The following SMAGP variants were observed in gnomAD, a reference collection of about 807,000 sequenced individuals.
SMAGP encodes the protein small cell adhesion glycoprotein.
Under a neutral mutation model 10.1 loss-of-function variants are expected in SMAGP, and 7 were observed. The ratio of observed to expected loss-of-function variants is 0.70; its 90% CI spans 0.40 to 1.31. The LOEUF is 1.31. Among genes scored for constraint, SMAGP ranks in the 50% most tolerant of loss-of-function variants. The probability of loss-of-function intolerance (pLI) is 0.01; values close to 1 mark genes in which losing one functional copy is unlikely to be tolerated. For synonymous variants in SMAGP, 49 were observed against 47.2 expected, an observed-to-expected ratio of 1.04 and a Z score of -0.16; for missense variants, 113 against 116.5, an observed-to-expected ratio of 0.97 and a Z score of 0.14.
At chr12:51,251,043 A>G (rs1944833035) in intron 2 of SMAGP, among the ~76,000 whole-genome samples, 1 of 151,908 alleles carries the variant, frequency 6.6e-6, no homozygotes, top group Admixed American at 6.6e-5. Context: ...TTCTTTAAAC[A>G]TTTTGAGAAT....
chr12:51,248,434 A>ACACTCT (rs1188710796), intron 2 of SMAGP, among the ~76,000 whole-genome samples: 31 of 77,554 alleles, frequency 4.0e-4, no homozygotes, highest in African/African-American at 1.2e-3. Context: ...ACACACACAC[A>ACACTCT]CTCTCTCTCT....
intron 2 of SMAGP, among the ~76,000 whole-genome samples, chr12:51,260,108 G>A (rs1944918099): frequency 6.6e-6 from 1 of 151,780 alleles, no homozygotes; most frequent in Admixed American, 6.6e-5. Flanking sequence ...GTTATTTTAG[G>A]CACCAGCAAT....
chr12:51,244,820 CT>C lies in SMAGP; in HGVS notation c.*1120del, dbSNP rs5798164. ...TTGAACCAACTCATCTCCCAGGGTA[CT>C]TTTTTTTTTTTTTTTTTTTTTGAGA... is the stretch of plus-strand genomic sequence containing the variant. On this transcript the variant is annotated 3_prime_UTR_variant, in exon 4 of 4. Coordinates refer to ENST00000603798, the MANE Select transcript of SMAGP (RefSeq NM_001031628.2). 1.1e-3 allele frequency: 98 copies of C among 92,068 alleles called. No homozygotes were observed. The highest frequency in any genetic ancestry group is 3.1e-3 in the South Asian group (8 of 2,550). The allele number at this position is 92,068 out of a possible 1,614,324, so 5.7% of individuals were successfully genotyped here.
chr12:51,247,239 T>C (rs772632388), intron 2 of SMAGP, among the ~76,000 whole-genome samples: 4 of 58,304 alleles, frequency 6.9e-5, no homozygotes, highest in Non-Finnish European at 1.4e-4. Context: ...TTATTAGGAA[T>C]GCATATTTTT....
At chr12:51,249,347 G>C (rs1311643219) in intron 2 of SMAGP, among the ~76,000 whole-genome samples, 1 of 152,176 alleles carries the variant, frequency 6.6e-6, no homozygotes, top group African/African-American at 2.4e-5. Context: ...AAGCTGGTTG[G>C]TCACAAGTTT....
chr12:51,248,434 ACTCTCTCTCTCTCTCTCTCTCTCTCT>A (rs56012746), intron 2 of SMAGP, among the ~76,000 whole-genome samples: 2 of 77,468 alleles, frequency 2.6e-5, no homozygotes, highest in African/African-American at 1.0e-4. Context: ...ACACACACAC[ACTCTCTCTCTCTCTCTCTCTCTCTCT>A]CTCTCTCTCT....
chr12:51,269,145 T>C (rs1945003556), intron 2 of SMAGP, 100 bp downstream of exon 2: 3 of 1,293,332 alleles, frequency 2.3e-6, no homozygotes, highest in Non-Finnish European at 3.4e-6. Context: ...CAGAGAGAGG[T>C]GGGAGTCTTC....
chr12:51,249,177 C>A (rs112517538), intron 2 of SMAGP, among the ~76,000 whole-genome samples: 2,058 of 152,042 alleles, frequency 0.014, 19 homozygotes, highest in Non-Finnish European at 0.02. Context: ...GCTCCGCCCC[C>A]CTCCCCACAC....
intron 2 of SMAGP, among the ~76,000 whole-genome samples, chr12:51,254,215 G>A (rs1377221006): frequency 2.0e-5 from 3 of 152,118 alleles, no homozygotes; most frequent in Admixed American, 1.3e-4. Flanking sequence ...AAAACCCTCT[G>A]TTTATATAAT....
intron 2 of SMAGP, among the ~76,000 whole-genome samples, chr12:51,262,512 T>C (rs931246171): frequency 6.6e-6 from 1 of 151,896 alleles, no homozygotes; most frequent in African/African-American, 2.4e-5. Context: ...AACAACAAAA[T>C]AAACTAAGTT....
chr12:51,259,757 A>G (rs1944916129), intron 2 of SMAGP, among the ~76,000 whole-genome samples: 1 of 152,012 alleles, frequency 6.6e-6, no homozygotes, highest in African/African-American at 2.4e-5. Flanking sequence ...TCTGTCACCC[A>G]GGCTGGAATG....
intron 2 of SMAGP, 108 bp downstream of exon 2, chr12:51,269,137 G>T: frequency 8.3e-7 from 1 of 1,206,286 alleles, no homozygotes; most frequent in Non-Finnish European, 1.2e-6. Context: ...GAGGCAGGCA[G>T]AGAGAGGTGG....
chr12:51,251,828 CAA>C (rs1944841407), intron 2 of SMAGP, among the ~76,000 whole-genome samples: 1 of 152,052 alleles, frequency 6.6e-6, no homozygotes, highest in Non-Finnish European at 1.5e-5. Flanking sequence ...CCCCTAGAAC[CAA>C]AAGAGGTTCA....
intron 1 of SMAGP, chr12:51,269,555 G>A (rs116403094): frequency 4.8e-6 from 2 of 416,480 alleles, no homozygotes; most frequent in Middle Eastern, 6.7e-4. Context: ...GCTCTCTCCA[G>A]GTCCTTTCAA....
intron 2 of SMAGP, among the ~76,000 whole-genome samples, chr12:51,265,947 T>G (rs539861373): frequency 6.6e-6 from 1 of 151,900 alleles, no homozygotes; most frequent in South Asian, 2.1e-4. Flanking sequence ...CCGGGCGTGG[T>G]GGTGGGCGCC....
intron 2 of SMAGP, among the ~76,000 whole-genome samples, chr12:51,269,020 C>G (rs1409612841): frequency 1.3e-5 from 2 of 152,146 alleles, no homozygotes; most frequent in African/African-American, 2.4e-5. Context: ...ATTTGATAAA[C>G]CGAGGTTACA....
At position 51,245,812 on chromosome 12, in the gene SMAGP, C is replaced by T. The variant is rs1242631908; in HGVS notation, c.*129G>A. ...TGATGTCGGCATTTGGGACTGCGACCTGGCTGGAGCTTGGATTTGCCCACA... is the reference window on the plus strand; with the variant it reads ...TGATGTCGGCATTTGGGACTGCGACTTGGCTGGAGCTTGGATTTGCCCACA... On this transcript the variant is annotated 3_prime_UTR_variant, in exon 4 of 4. Transcript: ENST00000603798. 5.5e-6 allele frequency: 6 copies of T among 1,083,682 alleles called. No individual in the cohort carries two copies. In the Admixed American group the frequency reaches 1.1e-4, roughly 21 times the overall value. 67.1% of individuals were successfully genotyped at this position (1,083,682 alleles called of 1,614,324 possible). A position where few individuals can be genotyped will look rare whatever the true frequency, so the allele number is the denominator to read the frequency against.
intron 2 of SMAGP, among the ~76,000 whole-genome samples, chr12:51,254,264 T>C (rs1944867730): frequency 6.6e-6 from 1 of 151,896 alleles, no homozygotes; most frequent in South Asian, 2.1e-4. Flanking sequence ...ATAAATAAAA[T>C]AAGGCCGGGC....
In SMAGP at chr12:51,248,900, CAAAA is replaced by C. The variant is rs545881552; in HGVS notation, c.35-2073_35-2070del. Among the ~76,000 whole-genome samples, 772 of 95,452 alleles carry C rather than the reference CAAAA, an allele frequency of 8.1e-3. 3 individuals carry two copies. The highest frequency in any genetic ancestry group is 0.022 in the African/African-American group (487 of 21,844). 62.6% of individuals were successfully genotyped at this position (95,452 alleles called of 152,430 possible). The stretch of plus-strand genomic sequence containing the variant: ...AATCCTGTCTCTACCAAAAATACCA[CAAAA>C]AAAAAAAAAAAAAAAAAAAAAAAAA... On this transcript the variant is annotated intron_variant, in intron 2 of 3. Coordinates refer to ENST00000603798, the MANE Select transcript of SMAGP (RefSeq NM_001031628.2).
Sources: gnomAD v4.1 joint callset for allele counts (sites outside exome capture counted in the v4.1 genomes callset) on GRCh38, gnomAD v4.1.1 for gene constraint, MANE v1.5 for transcripts, NCBI Gene and HGNC (gene_info 2026-07-23, HGNC 2026-07-21) for gene names.